Variants in TRMT10B observed in about 807,000 individuals in gnomAD.
TRMT10B encodes the protein tRNA methyltransferase 10B.
In TRMT10B, 33 loss-of-function variants were observed where a neutral mutation model predicts 43.8. The observed-to-expected ratio is 0.75, with a 90% CI of 0.57 to 1.01. The LOEUF (loss-of-function observed/expected upper bound fraction) is 1.01. TRMT10B is among the 50% of genes least tolerant of loss of function. The pLI, the probability that TRMT10B is intolerant of heterozygous loss-of-function variation, is 0.00. For synonymous variants in TRMT10B, 137 were observed against 130.6 expected (o/e 1.05, Z -0.34); for missense variants, 362 against 369.8 (o/e 0.98, Z 0.17).
chr9:37,757,521 C>T (rs185237017), intron 1 of TRMT10B, among the ~76,000 whole-genome samples: 1 of 152,206 alleles, frequency 6.6e-6, no homozygotes, highest in East Asian at 1.9e-4. Flanking sequence ...AAACTTTAGC[C>T]TAGGCAGACA....
chr9:37,774,635 T>A (rs745749039), intron 7 of TRMT10B, among the ~76,000 whole-genome samples: 1 of 152,256 alleles, frequency 6.6e-6, no homozygotes, highest in Non-Finnish European at 1.5e-5. Flanking sequence ...TAAGACTTTT[T>A]ATAAAACAAA....
At chr9:37,761,824 C>T in intron 1 of TRMT10B, 79 bp from the exon 2 acceptor site, 13 of 1,009,822 alleles carry the variant, frequency 1.3e-5, no homozygotes, top group South Asian at 7.1e-5. Context: ...AACACAATAA[C>T]ACTTTGTCAT....
chr9:37,776,902 CA>C (rs60979956), intron 8 of TRMT10B, among the ~76,000 whole-genome samples: 16 of 142,608 alleles, frequency 1.1e-4, no homozygotes, highest in Non-Finnish European at 1.4e-4. Flanking sequence ...GTCTCAAAAA[CA>C]AAAAAAAAAG....
At chr9:37,764,090 C>G (rs571248035) in intron 4 of TRMT10B, among the ~76,000 whole-genome samples, 19 of 152,196 alleles carry the variant, frequency 1.2e-4, no homozygotes, top group African/African-American at 4.6e-4. Context: ...GAATATTTGC[C>G]TGGTAGCATG....
chr9:37,756,642 G>C (rs1398788905), intron 1 of TRMT10B, among the ~76,000 whole-genome samples: 2 of 151,802 alleles, frequency 1.3e-5, no homozygotes, highest in African/African-American at 4.8e-5. Context: ...GGTGGCAGAG[G>C]TTGCAATGAG....
At chr9:37,756,709 ACT>A (rs1825720139) in intron 1 of TRMT10B, among the ~76,000 whole-genome samples, 2 of 151,384 alleles carry the variant, frequency 1.3e-5, no homozygotes, top group East Asian at 1.9e-4. Flanking sequence ...ACAGAGCAAG[ACT>A]CTCATCTCAA....
Position 37,762,021 on chromosome 9 carries a change from T to C in TRMT10B, c.90T>C (p.Asp30=). 1.2e-6 allele frequency: 2 copies of C among 1,614,076 alleles called. No homozygotes were observed. The highest frequency in any genetic ancestry group is 2.2e-5 in the East Asian group (1 of 44,874). The change falls in exon 2 of 9, where the codon GAT becomes GAC. Residue 30 remains aspartate, a synonymous_variant. Coordinates refer to ENST00000297994, the MANE Select transcript of TRMT10B (RefSeq NM_144964.4). ...GCATCCTAGAGGAGACAGGTGAAGA[T>C]GGACTTCCTGAAGGCTTCCAGCTTC... The part of the protein sequence containing the change: ...QEGILEETGE[D]GLPEGFQLLQ...
At chr9:37,773,076 T>C (rs1172175819) in intron 7 of TRMT10B, among the ~76,000 whole-genome samples, 2 of 152,176 alleles carry the variant, frequency 1.3e-5, no homozygotes, top group Non-Finnish European at 2.9e-5. Flanking sequence ...TGAAGAAGTA[T>C]TGTGATGTCT....
At chr9:37,767,513 CAAAA>C (rs61468987) in intron 4 of TRMT10B, 1,182 of 78,030 alleles carry the variant, frequency 0.015, 68 homozygotes, top group African/African-American at 0.056. Flanking sequence ...ACCCTGTCTC[CAAAA>C]AAAAAAAAAA....
chr9:37,762,950 G>A (rs1010152786), intron 3 of TRMT10B, among the ~76,000 whole-genome samples: 5 of 146,484 alleles, frequency 3.4e-5, no homozygotes, highest in East Asian at 4.0e-4. Flanking sequence ...TGGATAACAC[G>A]GTGAAACCCC....
intron 8 of TRMT10B, 83 bp from the exon 9 acceptor site, chr9:37,777,518 G>A (rs915531293): frequency 9.8e-6 from 12 of 1,219,018 alleles, no homozygotes; most frequent in African/African-American, 6.0e-5. Context: ...TTTGTTGAAC[G>A]AAATATTACA....
At chr9:37,759,406 A>C (rs1172734339) in intron 1 of TRMT10B, among the ~76,000 whole-genome samples, 1 of 152,254 alleles carries the variant, frequency 6.6e-6, no homozygotes, top group East Asian at 1.9e-4. Context: ...ATTTATATGA[A>C]GTTGTATAAT....
At chr9:37,769,777 A>G in intron 5 of TRMT10B, 164 bp from the exon 6 acceptor site, 1 of 643,678 alleles carries the variant, frequency 1.6e-6, no homozygotes, top group Non-Finnish European at 2.8e-6. Context: ...ATTTTTTTGT[A>G]TTTTTAGTAG....
intron 1 of TRMT10B, among the ~76,000 whole-genome samples, chr9:37,761,250 T>C (rs1826291997): frequency 6.6e-6 from 1 of 152,138 alleles, no homozygotes; most frequent in Admixed American, 6.5e-5. Flanking sequence ...TGAAACATAA[T>C]GGGGGAGGTG....
At position 37,754,327 on chromosome 9, in the gene TRMT10B, C is replaced by G. The variant is rs575539084; in HGVS notation, c.-30+475C>G. 5.3e-5 allele frequency among the ~76,000 whole-genome samples: 8 copies of G among 152,254 alleles called. No individual in the cohort carries two copies. The South Asian group carries it at 8.3e-4, about 16-fold the overall frequency. On this transcript the variant is annotated intron_variant, in intron 1 of 8. Coordinates refer to ENST00000297994, the MANE Select transcript of TRMT10B (RefSeq NM_144964.4). ...GGAGAGGAAGGTAGTCTGTGAGTGT[C>G]TTAGGGAAGAGCATTGAGGGTAAAG...
At position 37,777,767 on chromosome 9, in the gene TRMT10B, A is replaced by C; in HGVS notation, c.*60A>C. The C allele has an allele frequency of 6.5e-6, 9 of 1,390,252 alleles. No homozygotes were observed. Among genetic ancestry groups the C allele is most frequent in the Non-Finnish European group, 9.2e-6 (9 of 979,314 alleles). The allele number at this position is 1,390,252 out of a possible 1,614,324, so 86.1% of individuals were successfully genotyped here. On this transcript the variant is annotated 3_prime_UTR_variant, in exon 9 of 9. Coordinates refer to ENST00000297994, the MANE Select transcript of TRMT10B (RefSeq NM_144964.4). ...CACGCCGTAATGCCAACACTTTGGT[A>C]GACCGAAGTGGGCAGATCACCTGAG...
chr9:37,766,371 C>G (rs2118829309), intron 4 of TRMT10B, among the ~76,000 whole-genome samples: 1 of 152,238 alleles, frequency 6.6e-6, no homozygotes, highest in East Asian at 1.9e-4. Flanking sequence ...TCAGGTTTGT[C>G]AAAGATTAGA....
chr9:37,776,438 T>C (rs369357830), intron 8 of TRMT10B, 33 bp downstream of exon 8: 2 of 1,588,054 alleles, frequency 1.3e-6, no homozygotes, highest in Non-Finnish European at 1.7e-6. Flanking sequence ...CCAGGGTGTG[T>C]GAGTTCTGGT....
chr9:37,753,997 T>G (rs1461969136), intron 1 of TRMT10B, 145 bp downstream of exon 1: 2 of 152,496 alleles, frequency 1.3e-5, no homozygotes, highest in Non-Finnish European at 2.9e-5. Context: ...CCTGATACTT[T>G]CCCTTCCTGC....
Sources: gnomAD v4.1 joint callset for allele counts (sites outside exome capture counted in the v4.1 genomes callset) on GRCh38, gnomAD v4.1.1 for gene constraint, MANE v1.5 for transcripts, NCBI Gene and HGNC (gene_info 2026-07-23, HGNC 2026-07-21) for gene names.